Variants in LMO7 observed in about 807,000 individuals in gnomAD.
LMO7 encodes the protein LIM domain 7.
LMO7 carries 120 observed loss-of-function variants against 206.5 expected under a neutral mutation model. That is an observed-to-expected ratio of 0.58 (90% CI 0.50 to 0.68). The LOEUF is 0.68. LMO7 is among the 30% of genes least tolerant of loss of function. The pLI, the probability that LMO7 is intolerant of heterozygous loss-of-function variation, is 0.00. For missense variants in LMO7, 1,959 were observed against 1,957.9 expected (o/e 1.00, Z -0.01); for synonymous variants, 706 against 681.5 (o/e 1.04, Z -0.56).
chr13:75,743,217 T>G lies in LMO7; in HGVS notation c.210+16119T>G, dbSNP rs142632263. Among the ~76,000 whole-genome samples, 686 of 152,212 alleles carry G rather than the reference T, an allele frequency of 4.5e-3. 7 individuals carry two copies. Among genetic ancestry groups the G allele is most frequent in the African/African-American group, 0.016 (656 of 41,550 alleles). Reference sequence around the variant, plus strand: ...TGGCTATTACTAAAAAGTCAAAAAATAACAGGTGCTGGTGAGGTTGTGGAG... The same window carrying G: ...TGGCTATTACTAAAAAGTCAAAAAAGAACAGGTGCTGGTGAGGTTGTGGAG... On this transcript the variant is annotated intron_variant, in intron 3 of 30. Transcript: ENST00000377534.
At chr13:75,679,499 A>C (rs1209877781) in intron 1 of LMO7, among the ~76,000 whole-genome samples, 1 of 152,252 alleles carries the variant, frequency 6.6e-6, no homozygotes, top group Non-Finnish European at 1.5e-5. Flanking sequence ...CACCTGCATC[A>C]GAATCATCTA....
chr13:75,716,362 C>T (rs981099255), intron 2 of LMO7, among the ~76,000 whole-genome samples: 1 of 152,100 alleles, frequency 6.6e-6, no homozygotes, highest in Non-Finnish European at 1.5e-5. Context: ...TAGTTATATG[C>T]GTTCATTGCC....
rs780596609 is a variant in LMO7, at chr13:75,807,583, CG to C, written c.1301del (p.Arg434ProfsTer25). The stretch of plus-strand genomic sequence containing the variant: ...CACTTCTGGCCCAAGGCTCATAACC[CG>C]CAGGAAGAATCTCTCTTATGCACCA... ...DPTSGPRLIT[R>X]RKNLSYAPGY... is the part of the protein sequence containing the mutation. On this transcript the variant is annotated frameshift_variant, in exon 10 of 31. Transcript: ENST00000377534. LOFTEE classifies it high-confidence loss of function. 1 of 1,613,918 alleles carries C rather than the reference CG, an allele frequency of 6.2e-7. No homozygotes were observed. The highest frequency in any genetic ancestry group is 8.5e-7 in the Non-Finnish European group (1 of 1,179,870).
chr13:75,711,613 G>T (rs1417356954), intron 1 of LMO7, among the ~76,000 whole-genome samples: 1 of 152,176 alleles, frequency 6.6e-6, no homozygotes, highest in Non-Finnish European at 1.5e-5. Context: ...TCGGTGCGCT[G>T]CACCCCCCCT....
At chr13:75,763,331 G>A (rs1349351778) in intron 4 of LMO7, among the ~76,000 whole-genome samples, 1 of 152,112 alleles carries the variant, frequency 6.6e-6, no homozygotes, top group Non-Finnish European at 1.5e-5. Context: ...AGAAACTCTA[G>A]CTTTAGATTT....
intron 3 of LMO7, among the ~76,000 whole-genome samples, chr13:75,738,610 T>C (rs2046157767): frequency 6.6e-6 from 1 of 152,200 alleles, no homozygotes; most frequent in Non-Finnish European, 1.5e-5. Flanking sequence ...TAAAAAAATC[T>C]AACCCAAGAG....
chr13:75,636,927 C>A (rs531139661), intron 1 of LMO7, among the ~76,000 whole-genome samples: 333 of 152,304 alleles, frequency 2.2e-3, no homozygotes, highest in African/African-American at 7.6e-3. Flanking sequence ...CTTAGATTGG[C>A]GCTGCCCTAA....
chr13:75,856,383 T>C, intron 29 of LMO7, 123 bp from the exon 30 acceptor site: 1 of 612,942 alleles, frequency 1.6e-6, no homozygotes, highest in Non-Finnish European at 2.9e-6. Context: ...TTTTTTTTTC[T>C]TTGCTGAAAT....
upstream of LMO7, among the ~76,000 whole-genome samples, chr13:75,633,053 C>A (rs1280052075): frequency 1.3e-5 from 2 of 151,554 alleles, no homozygotes; most frequent in African/African-American, 4.9e-5. Context: ...TTAGTAGAGA[C>A]CGGGTTTCAC....
chr13:75,805,955 G>A (rs1238107670), intron 9 of LMO7, 195 bp downstream of exon 9: 2 of 1,143,518 alleles, frequency 1.7e-6, no homozygotes, highest in Non-Finnish European at 2.4e-6. Context: ...AAAAAGCCCT[G>A]TTCTATACAT....
chr13:75,649,255 G>A (rs2037331465), intron 1 of LMO7, among the ~76,000 whole-genome samples: 1 of 152,202 alleles, frequency 6.6e-6, no homozygotes, highest in Admixed American at 6.5e-5. Context: ...TGGGTCAGTG[G>A]AGGGGAATGA....
intron 1 of LMO7, among the ~76,000 whole-genome samples, chr13:75,686,059 A>C (rs1431574183): frequency 6.6e-6 from 1 of 151,898 alleles, no homozygotes; most frequent in African/African-American, 2.4e-5. Flanking sequence ...AAAATTTTTC[A>C]GTAGAGACGT....
At chr13:75,676,539 T>A (rs2040032896) in intron 1 of LMO7, among the ~76,000 whole-genome samples, 1 of 152,234 alleles carries the variant, frequency 6.6e-6, no homozygotes, top group Non-Finnish European at 1.5e-5. Flanking sequence ...GTGTTGATTC[T>A]GTTTTGAATT....
chr13:75,806,120 G>A, intron 9 of LMO7: 1 of 1,034,878 alleles, frequency 9.7e-7, no homozygotes, highest in Non-Finnish European at 1.2e-6. Context: ...ACCGTTTTTA[G>A]TAGAGCACAA....
At chr13:75,681,338 C>T (rs1594244238) in intron 1 of LMO7, among the ~76,000 whole-genome samples, 2 of 151,992 alleles carry the variant, frequency 1.3e-5, no homozygotes, top group African/African-American at 2.4e-5. Context: ...TATTAATGCT[C>T]AGCAAAGTTT....
intron 7 of LMO7, 87 bp downstream of exon 7, chr13:75,800,969 C>A: frequency 7.8e-7 from 1 of 1,273,952 alleles, no homozygotes; most frequent in Non-Finnish European, 1.1e-6. Flanking sequence ...GGAGCAAAAA[C>A]TAGGCAAAAA....
In LMO7 at chr13:75,859,681, A is replaced by T. The variant is rs890798021; in HGVS notation, c.*1738A>T. ...TTATGCATTTTAAGACACTCATAGT[A>T]TATATTGCCAAAGTGGTTTCCAGAA... On this transcript the variant is annotated 3_prime_UTR_variant, in exon 31 of 31. Coordinates refer to ENST00000377534, the MANE Select transcript of LMO7 (RefSeq NM_001306080.2). 40 of 152,198 alleles carry T rather than the reference A, an allele frequency of 2.6e-4. No homozygotes were observed. Among genetic ancestry groups the T allele is most frequent in the African/African-American group, 8.4e-4 (35 of 41,448 alleles). 9.4% of individuals were successfully genotyped at this position (152,198 alleles called of 1,614,324 possible). A position where few individuals can be genotyped will look rare whatever the true frequency, so the allele number is the denominator to read the frequency against.
chr13:75,844,206 T>C (rs950887120), intron 25 of LMO7, among the ~76,000 whole-genome samples: 1 of 152,126 alleles, frequency 6.6e-6, no homozygotes, highest in Non-Finnish European at 1.5e-5. Context: ...GCTAGACATC[T>C]GGTAATAAGT....
chr13:75,766,237 C>CTTTT (rs10604656), intron 4 of LMO7, among the ~76,000 whole-genome samples: 107 of 126,084 alleles, frequency 8.5e-4, no homozygotes, highest in African/African-American at 2.9e-3. Context: ...TTCCCTCAGT[C>CTTTT]TTTTTTTTTT....
Sources: gnomAD v4.1 joint callset for allele counts (sites outside exome capture counted in the v4.1 genomes callset) on GRCh38, gnomAD v4.1.1 for gene constraint, MANE v1.5 for transcripts, NCBI Gene and HGNC (gene_info 2026-07-23, HGNC 2026-07-21) for gene names.